MID1: variants seen among roughly 807,000 people sequenced by gnomAD.
MID1 encodes the protein midline 1.
Under a neutral mutation model 40.4 loss-of-function variants are expected in MID1, and 7 were observed. The observed-to-expected ratio is 0.17, with a 90% CI of 0.10 to 0.33. The LOEUF (loss-of-function observed/expected upper bound fraction) is 0.33. Ranked by LOEUF, MID1 falls within the 10% of genes least tolerant of loss-of-function variation. The pLI is 1.00. For missense variants in MID1, 367 were observed against 558.5 expected (o/e 0.66, Z 3.46); for synonymous variants, 229 against 221.2 (o/e 1.04, Z -0.31).
At chrX:10,545,383 C>T (rs763605119) in intron 2 of MID1, among the ~76,000 whole-genome samples, 50 of 112,180 alleles carry the variant, frequency 4.5e-4, no homozygotes, top group African/African-American at 1.6e-3. Flanking sequence ...CGGGAAATTT[C>T]GGCCTTTCTT....
At chrX:10,544,624 T>C (rs968758995) in intron 2 of MID1, among the ~76,000 whole-genome samples, 2 of 112,542 alleles carry the variant, frequency 1.8e-5, no homozygotes, top group Non-Finnish European at 3.7e-5. Context: ...GTCATTGACC[T>C]AATTTAGTTT....
chrX:10,613,732 T>TATAGAGAGAGAG (rs1482081086), intron 1 of MID1, among the ~76,000 whole-genome samples: 2 of 17,480 alleles, frequency 1.1e-4, no homozygotes, highest in Non-Finnish European at 2.2e-4. Context: ...TATATATATA[T>TATAGAGAGAGAG]AGAGAGAGAG....
chrX:10,681,940 C>G (rs1403165585), intron 1 of MID1, among the ~76,000 whole-genome samples: 1 of 111,812 alleles, frequency 8.9e-6, no homozygotes, highest in Non-Finnish European at 1.9e-5. Context: ...GTTGAATAAA[C>G]CTTTGTGTAA....
chrX:10,758,222 G>A (rs1375810993), intron 1 of MID1, among the ~76,000 whole-genome samples: 1 of 106,988 alleles, frequency 9.3e-6, no homozygotes, highest in East Asian at 2.9e-4. Flanking sequence ...CAATCTGCCC[G>A]TCTCAGCCTC....
chrX:10,752,336 G>A (rs1162714582), intron 1 of MID1, among the ~76,000 whole-genome samples: 1 of 111,359 alleles, frequency 9.0e-6, no homozygotes, highest in Non-Finnish European at 1.9e-5. Flanking sequence ...TAGTGCAGGG[G>A]GCAAGCATGC....
intron 1 of MID1, among the ~76,000 whole-genome samples, chrX:10,795,284 A>G (rs1239950209): frequency 8.9e-6 from 1 of 112,693 alleles, no homozygotes; most frequent in Non-Finnish European, 1.9e-5. Context: ...TACTCTAATT[A>G]TTTTTGTATT....
intron 1 of MID1, among the ~76,000 whole-genome samples, chrX:10,695,004 C>A (rs769749760): frequency 1.7e-4 from 19 of 111,734 alleles, no homozygotes; most frequent in Non-Finnish European, 2.6e-4. Flanking sequence ...ATGAGAGGGG[C>A]CTGAAGTCTG....
chrX:10,482,654 G>A (rs1468635316), intron 4 of MID1, 26 bp from the exon 5 acceptor site: 2 of 1,202,558 alleles, frequency 1.7e-6, no homozygotes, highest in South Asian at 3.5e-5. Context: ...CATGGAGAGA[G>A]ATGGTTACAT....
chrX:10,730,619 TG>T (rs768954908), intron 1 of MID1, among the ~76,000 whole-genome samples: 2 of 101,712 alleles, frequency 2.0e-5, no homozygotes, highest in South Asian at 9.7e-4. Flanking sequence ...TTGCCCAGGC[TG>T]GAGTGCAGTG....
At chrX:10,494,374 T>C (rs1426341948) in intron 4 of MID1, among the ~76,000 whole-genome samples, 6 of 112,021 alleles carry the variant, frequency 5.4e-5, no homozygotes, top group Admixed American at 2.9e-4. Flanking sequence ...GTTTTAATTA[T>C]ATATATTTTG....
intron 1 of MID1, among the ~76,000 whole-genome samples, chrX:10,826,903 C>T (rs780336198): frequency 8.9e-6 from 1 of 111,972 alleles, no homozygotes; most frequent in East Asian, 2.8e-4. Flanking sequence ...GCTTCTCTTT[C>T]TTCTTTTTCT....
At position 10,783,887 on chromosome X, in the gene MID1, T is replaced by A. The variant is rs116767031; in HGVS notation, c.-187+49667A>T. Among the ~76,000 whole-genome samples, 751 of 109,996 alleles carry A rather than the reference T, an allele frequency of 6.8e-3. 7 individuals are homozygous for A. Among genetic ancestry groups the A allele is most frequent in the African/African-American group, 0.024 (728 of 29,930 alleles). On this transcript the variant is annotated intron_variant, in intron 1 of 10. Coordinates refer to the MID1 transcript ENST00000380785. ...AAAAACAGACTTGTAGCTCTTTTTT[T>A]TAAAAAAAAAAATGGCACTCCTATT...
chrX:10,626,958 G>A (rs375821673), intron 1 of MID1, among the ~76,000 whole-genome samples: 8 of 111,328 alleles, frequency 7.2e-5, no homozygotes, highest in African/African-American at 1.6e-4. Flanking sequence ...AGCAGTAAAG[G>A]CACATTATGG....
chrX:10,506,613 C>T (rs1931856138), intron 3 of MID1: 1 of 477,592 alleles, frequency 2.1e-6, no homozygotes, highest in Admixed American at 2.8e-5. Flanking sequence ...GAAAAAGTTC[C>T]CAGGCCAGGG....
chrX:10,542,806 A>G (rs1486178932), intron 2 of MID1, among the ~76,000 whole-genome samples: 1 of 112,191 alleles, frequency 8.9e-6, no homozygotes, highest in Non-Finnish European at 1.9e-5. Flanking sequence ...TATGGCAATC[A>G]GGTCACATTA....
chrX:10,607,228 C>T (rs757744000), intron 1 of MID1, among the ~76,000 whole-genome samples: 2 of 111,681 alleles, frequency 1.8e-5, no homozygotes, highest in African/African-American at 6.5e-5. Flanking sequence ...TTCAGCAAAC[C>T]CAGTGAGGTA....
At chrX:10,803,602 C>T (rs948672259) in intron 1 of MID1, among the ~76,000 whole-genome samples, 9 of 111,568 alleles carry the variant, frequency 8.1e-5, no homozygotes, top group South Asian at 3.8e-4. Context: ...CTGCCCGCTT[C>T]GGCCTCCCAA....
At chrX:10,625,303 C>T (rs191430795), upstream of MID1, among the ~76,000 whole-genome samples, 11 of 112,010 alleles carry the variant, frequency 9.8e-5, no homozygotes, top group Admixed American at 9.5e-4. Context: ...ATCTCCTTTA[C>T]TGAAGTCAAC....
At chrX:10,717,554 T>C (rs1281026520) in intron 1 of MID1, among the ~76,000 whole-genome samples, 1 of 109,978 alleles carries the variant, frequency 9.1e-6, no homozygotes, top group African/African-American at 3.3e-5. Flanking sequence ...AGCAAGTCCT[T>C]AGAGACCTAC....
Sources: allele counts gnomAD v4.1 joint callset (sites outside exome capture counted in the v4.1 genomes callset), GRCh38; gene constraint gnomAD v4.1.1; transcripts MANE v1.5; gene names NCBI Gene and HGNC (gene_info 2026-07-23, HGNC 2026-07-21).